Variants in ZFYVE9 observed in about 807,000 individuals in gnomAD.
The protein encoded by ZFYVE9 is zinc finger FYVE-type containing 9, also known as zinc finger FYVE domain-containing protein 9.
Under a neutral mutation model 126.7 loss-of-function variants are expected in ZFYVE9, and 43 were observed. That is an observed-to-expected ratio of 0.34 (90% confidence interval 0.27 to 0.44). The LOEUF is 0.44. Among genes scored for constraint, ZFYVE9 ranks in the 20% least tolerant of loss-of-function variants. The pLI is 1.00. For missense variants in ZFYVE9, 1,476 were observed against 1,697.0 expected (o/e 0.87, Z 2.29); for synonymous variants, 521 against 597.4 (o/e 0.87, Z 1.87).
intron 13 of ZFYVE9, among the ~76,000 whole-genome samples, chr1:52,331,518 T>A (rs1042224877): frequency 1.3e-5 from 2 of 150,494 alleles, no homozygotes; most frequent in East Asian, 4.0e-4. Flanking sequence ...TTTGGGAGGC[T>A]GAGGTGGGCG....
At chr1:52,324,272 C>A (rs112680936) in intron 13 of ZFYVE9, among the ~76,000 whole-genome samples, 3 of 112,608 alleles carry the variant, frequency 2.7e-5, no homozygotes, top group African/African-American at 6.3e-5. Context: ...CACACACACA[C>A]AAAAACAAAA....
chr1:52,174,596 C>T (rs1279138585), intron 1 of ZFYVE9, among the ~76,000 whole-genome samples: 5 of 150,758 alleles, frequency 3.3e-5, no homozygotes, highest in Admixed American at 1.3e-4. Flanking sequence ...CTAATGTTGA[C>T]AGTGGGGTGT....
chr1:52,189,891 C>T (rs1644801492), intron 1 of ZFYVE9: 1 of 146,174 alleles, frequency 6.8e-6, no homozygotes, highest in African/African-American at 2.8e-5. Flanking sequence ...AATGTTCTTT[C>T]CTTATGGAAT....
chr1:52,306,676 G>A (rs7527337), intron 13 of ZFYVE9, among the ~76,000 whole-genome samples: 2,577 of 152,362 alleles, frequency 0.017, 24 homozygotes, highest in Non-Finnish European at 0.026. Context: ...CCTGAGCCAG[G>A]GCTGTGACTC....
chr1:52,205,286 G>A (rs1644967484), intron 1 of ZFYVE9, among the ~76,000 whole-genome samples: 1 of 151,930 alleles, frequency 6.6e-6, no homozygotes, highest in Non-Finnish European at 1.5e-5. Flanking sequence ...AGTGGCCCAA[G>A]CTGATCTTGA....
chr1:52,330,929 C>T (rs1646335356), intron 13 of ZFYVE9, among the ~76,000 whole-genome samples: 1 of 152,128 alleles, frequency 6.6e-6, no homozygotes, highest in Admixed American at 6.5e-5. Context: ...TGTAGTAGCG[C>T]AATCTTGGCT....
chr1:52,313,634 A>G (rs994203214), intron 13 of ZFYVE9, among the ~76,000 whole-genome samples: 1 of 152,322 alleles, frequency 6.6e-6, no homozygotes, highest in South Asian at 2.1e-4. Context: ...CAGAGTGACA[A>G]AGGTTCTTGT....
intron 1 of ZFYVE9, among the ~76,000 whole-genome samples, chr1:52,175,277 T>C (rs2124530454): frequency 6.7e-6 from 1 of 150,332 alleles, no homozygotes; most frequent in South Asian, 2.1e-4. Flanking sequence ...TTAGTTTGGC[T>C]GGATATGAAA....
At chr1:52,306,734 C>T (rs1282695066) in intron 13 of ZFYVE9, among the ~76,000 whole-genome samples, 4 of 152,260 alleles carry the variant, frequency 2.6e-5, no homozygotes, top group Admixed American at 2.6e-4. Flanking sequence ...TTCCGAATGT[C>T]ACCACATTCC....
intron 13 of ZFYVE9, among the ~76,000 whole-genome samples, chr1:52,311,607 A>G (rs944718442): frequency 8.6e-5 from 13 of 151,980 alleles, no homozygotes; most frequent in Non-Finnish European, 1.8e-4. Context: ...TAGTGGGTTA[A>G]TCTCTCTTCT....
At chr1:52,219,559 C>T (rs914971398) in intron 2 of ZFYVE9, among the ~76,000 whole-genome samples, 1 of 151,690 alleles carries the variant, frequency 6.6e-6, no homozygotes, top group African/African-American at 2.4e-5. Context: ...GATCTCTGGG[C>T]TGGTGTCGGT....
intron 7 of ZFYVE9, 117 bp downstream of exon 7, chr1:52,268,749 C>T (rs536042324): frequency 8.6e-5 from 105 of 1,218,850 alleles, no homozygotes; most frequent in African/African-American, 2.7e-4. Context: ...TTAGTGTATA[C>T]GTGCACATAT....
intron 1 of ZFYVE9, chr1:52,179,802 G>A: frequency 1.8e-6 from 1 of 543,224 alleles, no homozygotes; most frequent in Non-Finnish European, 3.4e-6. Context: ...AGGATTTAAA[G>A]TGTCTATTAG....
intron 1 of ZFYVE9, among the ~76,000 whole-genome samples, chr1:52,196,408 G>T (rs1644860804): frequency 6.6e-6 from 1 of 152,144 alleles, no homozygotes; most frequent in Non-Finnish European, 1.5e-5. Context: ...GGCCAAGGTG[G>T]GTGGATCACT....
At chr1:52,175,420 C>G (rs1454354741) in intron 1 of ZFYVE9, among the ~76,000 whole-genome samples, 1 of 151,928 alleles carries the variant, frequency 6.6e-6, no homozygotes, top group Non-Finnish European at 1.5e-5. Flanking sequence ...CGACCTTTCT[C>G]TGTGGCTGCC....
chr1:52,276,821 A>T (rs750311104), intron 8 of ZFYVE9, among the ~76,000 whole-genome samples: 3 of 152,168 alleles, frequency 2.0e-5, no homozygotes, highest in Non-Finnish European at 2.9e-5. Context: ...ACTTTTTCTC[A>T]TTGCAATTTA....
chr1:52,284,623 G>A (rs1415591404), intron 10 of ZFYVE9, among the ~76,000 whole-genome samples: 2 of 152,030 alleles, frequency 1.3e-5, no homozygotes, highest in African/African-American at 4.8e-5. Flanking sequence ...GTTTCACCGT[G>A]TTAGCCAGGC....
In ZFYVE9 at chr1:52,344,820, A is replaced by G; in HGVS notation, c.3992A>G (p.Asp1331Gly). Reference sequence around the variant, plus strand: ...CACAATTGCCTCAGTGATCCTGCAGATCACAGTAGATTGACTGAGCATGTT... The same window carrying G: ...CACAATTGCCTCAGTGATCCTGCAGGTCACAGTAGATTGACTGAGCATGTT... ...DQHNCLSDPADHSRLTEHVAK... is the reference protein window; with the variant it reads ...DQHNCLSDPAGHSRLTEHVAK... Residue 1331 changes from aspartate to glycine, a missense_variant, in exon 18 of 19, where the codon GAT becomes GGT. Coordinates refer to ENST00000287727, the MANE Select transcript of ZFYVE9 (RefSeq NM_004799.4). The G allele has an allele frequency of 6.2e-7, 1 of 1,614,162 alleles. No individual in the cohort carries two copies. The highest frequency in any genetic ancestry group is 8.5e-7 in the Non-Finnish European group (1 of 1,180,022).
intron 13 of ZFYVE9, 78 bp downstream of exon 13, chr1:52,304,003 T>G: frequency 1.1e-6 from 1 of 890,466 alleles, no homozygotes; most frequent in Non-Finnish European, 1.6e-6. Context: ...TATATATAAA[T>G]TTTACTTATA....
Sources: allele counts gnomAD v4.1 joint callset (sites outside exome capture counted in the v4.1 genomes callset), GRCh38; gene constraint gnomAD v4.1.1; transcripts MANE v1.5; gene names NCBI Gene and HGNC (gene_info 2026-07-23, HGNC 2026-07-21).